LRCH1: variants seen among roughly 807,000 people sequenced by gnomAD.
LRCH1 encodes the protein leucine-rich repeat and calponin homology domain-containing protein 1.
A neutral mutation model predicts 94.9 loss-of-function variants in LRCH1; 23 were observed. The ratio of observed to expected loss-of-function variants is 0.24; its 90% CI spans 0.17 to 0.34. The LOEUF (loss-of-function observed/expected upper bound fraction) is 0.34, where lower values mean the gene tolerates loss of function less well. LRCH1 is among the 10% of genes least tolerant of loss of function. The probability of loss-of-function intolerance (pLI) is 1.00; values close to 1 mark genes in which losing one functional copy is unlikely to be tolerated. For synonymous variants in LRCH1, 364 were observed against 354.9 expected (o/e 1.03, Z -0.29); for missense variants, 790 against 945.9 (o/e 0.84, Z 2.16).
At position 46,600,284 on chromosome 13, in the gene LRCH1, GT is replaced by G. The variant is rs1196019818; in HGVS notation, c.307+46588del. On this transcript the variant is annotated intron_variant, in intron 1 of 19. Transcript: ENST00000389797. ...TGTCTTTCAGAGTCTGGTGTTATTT[GT>G]TTTTTTGGTGTGTGCCTTGCAGACA... Among the ~76,000 whole-genome samples the G allele has an allele frequency of 6.6e-5, 10 of 152,244 alleles. No homozygotes were observed. In the East Asian group the frequency reaches 1.9e-3, roughly 29 times the overall value.
At chr13:46,622,217 G>T (rs552541540) in intron 1 of LRCH1, among the ~76,000 whole-genome samples, 1 of 149,082 alleles carries the variant, frequency 6.7e-6, no homozygotes, top group South Asian at 2.1e-4. Flanking sequence ...CCAAGGCGAG[G>T]TATCCTGTAT....
intron 7 of LRCH1, among the ~76,000 whole-genome samples, chr13:46,690,402 T>A (rs939558560): frequency 2.6e-5 from 4 of 152,196 alleles, no homozygotes; most frequent in African/African-American, 9.6e-5. Context: ...TGGACCATTG[T>A]TTCAGAAATT....
intron 19 of LRCH1, among the ~76,000 whole-genome samples, chr13:46,739,197 C>A (rs1220916342): frequency 6.6e-6 from 1 of 152,166 alleles, no homozygotes; most frequent in Non-Finnish European, 1.5e-5. Flanking sequence ...CTCTTTGTAT[C>A]CATAGTATTT....
intron 3 of LRCH1, among the ~76,000 whole-genome samples, chr13:46,679,400 G>T (rs373383039): frequency 1.3e-5 from 2 of 152,186 alleles, no homozygotes; most frequent in Non-Finnish European, 2.9e-5. Flanking sequence ...AAAGGCCCCC[G>T]TAATTGGGAA....
chr13:46,560,281 TCC>T (rs1157036382), intron 1 of LRCH1, among the ~76,000 whole-genome samples: 3 of 152,094 alleles, frequency 2.0e-5, no homozygotes, highest in African/African-American at 7.2e-5. Context: ...TATTATTAAC[TCC>T]ATATAAGGTG....
chr13:46,559,868 T>C (rs1042744474), intron 1 of LRCH1, among the ~76,000 whole-genome samples: 4 of 152,204 alleles, frequency 2.6e-5, no homozygotes, highest in Non-Finnish European at 4.4e-5. Flanking sequence ...GTTTAAATTA[T>C]TGACTGAGAC....
chr13:46,638,822 C>T (rs77516592), intron 1 of LRCH1, among the ~76,000 whole-genome samples: 3,946 of 152,290 alleles, frequency 0.026, 66 homozygotes, highest in South Asian at 0.058. Flanking sequence ...CAATCACATA[C>T]GTGGACGTGC....
intron 1 of LRCH1, among the ~76,000 whole-genome samples, chr13:46,565,922 G>A (rs952721934): frequency 1.3e-5 from 2 of 151,240 alleles, no homozygotes; most frequent in African/African-American, 4.9e-5. Flanking sequence ...AGTGTGTTCA[G>A]GTTTCTCACA....
chr13:46,704,992 C>G, intron 11 of LRCH1, 76 bp from the exon 12 acceptor site: 3 of 733,080 alleles, frequency 4.1e-6, no homozygotes, highest in Non-Finnish European at 6.5e-6. Flanking sequence ...AAAATTTAAA[C>G]TGAATAAGAC....
At chr13:46,709,077 C>T (rs562791060) in intron 13 of LRCH1, among the ~76,000 whole-genome samples, 1 of 152,326 alleles carries the variant, frequency 6.6e-6, no homozygotes, top group East Asian at 1.9e-4. Flanking sequence ...TAGCTGCAAA[C>T]ACTCCATCAT....
At position 46,609,733 on chromosome 13, in the gene LRCH1, C is replaced by T. The variant is rs557075176; in HGVS notation, c.308-40468C>T. Among the ~76,000 whole-genome samples the T allele has an allele frequency of 1.2e-3, 177 of 152,226 alleles. 1 individual carries two copies. The highest frequency in any genetic ancestry group is 4.0e-3 in the African/African-American group (167 of 41,524). ...ATGATACCCACAGTCTAGGGAGTGA[C>T]AGGCAATAATTAAGTAATTTTTAAA... On this transcript the variant is annotated intron_variant, in intron 1 of 19. Coordinates refer to ENST00000389797, the MANE Select transcript of LRCH1 (RefSeq NM_001164211.2).
intron 1 of LRCH1, among the ~76,000 whole-genome samples, chr13:46,589,938 G>C (rs1236299638): frequency 4.0e-5 from 6 of 149,272 alleles, no homozygotes; most frequent in Non-Finnish European, 7.4e-5. Context: ...TTTAGAAAGA[G>C]ACCAGGCCAC....
chr13:46,739,216 T>C (rs775094468), intron 19 of LRCH1, among the ~76,000 whole-genome samples: 1 of 152,246 alleles, frequency 6.6e-6, no homozygotes, highest in Non-Finnish European at 1.5e-5. Flanking sequence ...TTGGGGAACC[T>C]GGTCCAGTAG....
At position 46,731,819 on chromosome 13, in the gene LRCH1, C is replaced by G. The variant is rs116960635; in HGVS notation, c.2008-2102C>G. 8.1e-3 allele frequency among the ~76,000 whole-genome samples: 1,231 copies of G among 152,262 alleles called. 51 individuals carry two copies. The highest frequency in any genetic ancestry group is 0.067 in the Admixed American group (1,029 of 15,296). Reference sequence around the variant, plus strand: ...GAAAGCCATGCCCCCACCTGCCCCCCAAATCTCCTTGGTTCTTCAGCGTCA... The same window carrying G: ...GAAAGCCATGCCCCCACCTGCCCCCGAAATCTCCTTGGTTCTTCAGCGTCA... On this transcript the variant is annotated intron_variant, in intron 18 of 19. Transcript: ENST00000389797.
At chr13:46,744,939 A>AGCAAAC (rs1873849337), downstream of LRCH1, 2 of 977,602 alleles carry the variant, frequency 2.0e-6, no homozygotes, top group Non-Finnish European at 1.2e-6. Context: ...GTCAGAGTCT[A>AGCAAAC]GTTGCCTGGC....
chr13:46,602,071 T>A (rs1304626067), intron 1 of LRCH1, among the ~76,000 whole-genome samples: 1 of 152,246 alleles, frequency 6.6e-6, no homozygotes, highest in Non-Finnish European at 1.5e-5. Context: ...AGGACATGGA[T>A]TTGAAAGATC....
intron 16 of LRCH1, among the ~76,000 whole-genome samples, chr13:46,720,388 C>T (rs1203325924): frequency 6.6e-6 from 1 of 152,108 alleles, no homozygotes; most frequent in East Asian, 1.9e-4. Context: ...CTGTGTCTCT[C>T]CACCCGCCCC....
At position 46,664,385 on chromosome 13, in the gene LRCH1, A is replaced by G. The variant is rs141961677; in HGVS notation, c.453-4645A>G. 3.6e-3 allele frequency among the ~76,000 whole-genome samples: 543 copies of G among 152,334 alleles called. 8 individuals carry two copies. The highest frequency in any genetic ancestry group is 0.012 in the African/African-American group (518 of 41,582). On this transcript the variant is annotated intron_variant, in intron 2 of 19. Coordinates refer to ENST00000389797, the MANE Select transcript of LRCH1 (RefSeq NM_001164211.2). ...TGTAGCCACATCTTAACATCTGAGC[A>G]TAACACATTACCCTTTCTATGTTTA...
chr13:46,553,237 C>CCCCCCCATAGAA lies in LRCH1; in HGVS notation c.-155_-154insCATAGAACCCCC. 1.8e-6 allele frequency: 1 copy of CCCCCCCATAGAA among 561,114 alleles called. No homozygotes were observed. The highest frequency in any genetic ancestry group is 3.1e-6 in the Non-Finnish European group (1 of 319,102). The allele number at this position is 561,114 out of a possible 1,614,324, so 34.8% of individuals were successfully genotyped here. The stretch of plus-strand genomic sequence containing the variant: ...GCTGCCACGGCCGCCTCCCCGCCCG[C>CCCCCCCATAGAA]CCCCCATTCTACGCGCCTGCCCACA... On this transcript the variant is annotated 5_prime_UTR_variant, in exon 1 of 20. Transcript: ENST00000389797.
Sources: gnomAD v4.1 joint callset for allele counts (sites outside exome capture counted in the v4.1 genomes callset) on GRCh38, gnomAD v4.1.1 for gene constraint, MANE v1.5 for transcripts, NCBI Gene and HGNC (gene_info 2026-07-23, HGNC 2026-07-21) for gene names.